Variants in KCNB2 observed in about 807,000 individuals in gnomAD.
The protein encoded by KCNB2 is potassium voltage-gated channel subfamily B member 2.
KCNB2 carries 15 observed loss-of-function variants against 61.5 expected under a neutral mutation model. The ratio of observed to expected loss-of-function variants is 0.24; its 90% confidence interval spans 0.16 to 0.38. The LOEUF is 0.38. Ranked by LOEUF, KCNB2 falls within the 10% of genes least tolerant of loss-of-function variation. The pLI, the probability that KCNB2 is intolerant of heterozygous loss-of-function variation, is 1.00. For synonymous variants in KCNB2, 457 were observed against 446.0 expected (o/e 1.02, Z -0.31); for missense variants, 828 against 1,125.2 (o/e 0.74, Z 3.78).
chr8:72,606,262 A>G (rs1467070238), intron 2 of KCNB2, among the ~76,000 whole-genome samples: 1 of 152,172 alleles, frequency 6.6e-6, no homozygotes, highest in Non-Finnish European at 1.5e-5. Context: ...ACTAGAAGCA[A>G]TTATAGAGGA....
At chr8:72,765,386 A>G (rs1025328935) in intron 2 of KCNB2, among the ~76,000 whole-genome samples, 2 of 152,204 alleles carry the variant, frequency 1.3e-5, no homozygotes, top group Non-Finnish European at 2.9e-5. Flanking sequence ...CCCAAATTTA[A>G]TGGCAATTCT....
chr8:72,539,674 A>C (rs188468896), intron 1 of KCNB2, among the ~76,000 whole-genome samples: 4 of 152,168 alleles, frequency 2.6e-5, no homozygotes, highest in African/African-American at 4.8e-5. Context: ...CTCATCTCAC[A>C]TCTTTTCTAT....
chr8:72,580,278 AC>A (rs2128980292), intron 2 of KCNB2, among the ~76,000 whole-genome samples: 1 of 152,306 alleles, frequency 6.6e-6, no homozygotes, highest in South Asian at 2.1e-4. Context: ...TCCTATGAGA[AC>A]ACATCATTAA....
intron 2 of KCNB2, among the ~76,000 whole-genome samples, chr8:72,792,057 A>G (rs181271440): frequency 5.1e-4 from 78 of 152,296 alleles, no homozygotes; most frequent in Admixed American, 1.6e-3. Context: ...TAGCAATCCA[A>G]TGAGGAAGGA....
chr8:72,630,581 C>G (rs1805863476), intron 2 of KCNB2, among the ~76,000 whole-genome samples: 1 of 152,150 alleles, frequency 6.6e-6, no homozygotes, highest in African/African-American at 2.4e-5. Flanking sequence ...AGTCCTAGAT[C>G]AAGGTGTCAG....
intron 2 of KCNB2, among the ~76,000 whole-genome samples, chr8:72,887,455 G>A (rs1459874826): frequency 6.6e-6 from 1 of 152,258 alleles, no homozygotes; most frequent in East Asian, 1.9e-4. Flanking sequence ...TTTCTTGGAT[G>A]GCCCAATTTC....
chr8:72,916,760 A>C (rs977722382), intron 2 of KCNB2, among the ~76,000 whole-genome samples: 3 of 152,204 alleles, frequency 2.0e-5, no homozygotes, highest in African/African-American at 4.8e-5. Flanking sequence ...AAAAGGGGAC[A>C]GAGCAGGAAG....
intron 2 of KCNB2, among the ~76,000 whole-genome samples, chr8:72,699,825 C>T (rs1807084489): frequency 6.6e-6 from 1 of 152,080 alleles, no homozygotes; most frequent in African/African-American, 2.4e-5. Flanking sequence ...TACCATTTGA[C>T]CCAGCAATCC....
chr8:72,700,221 C>G lies in KCNB2; in HGVS notation c.579+131908C>G, dbSNP rs144371560. On this transcript the variant is annotated intron_variant, in intron 2 of 2. Coordinates refer to ENST00000523207, the MANE Select transcript of KCNB2 (RefSeq NM_004770.3). ...GGTTTGGGGGGCAAGGGGAGGGAGA[C>G]CATTAGGACAAATACCTAATGCATG... is the stretch of plus-strand genomic sequence containing the variant. 2.1e-3 allele frequency among the ~76,000 whole-genome samples: 321 copies of G among 152,008 alleles called. 3 individuals are homozygous for G. Among genetic ancestry groups the G allele is most frequent in the African/African-American group, 7.3e-3 (302 of 41,468 alleles).
At chr8:72,794,913 G>A (rs1809006258) in intron 2 of KCNB2, among the ~76,000 whole-genome samples, 1 of 151,894 alleles carries the variant, frequency 6.6e-6, no homozygotes, top group African/African-American at 2.4e-5. Flanking sequence ...TACTGCTGAG[G>A]GTCTAATAGA....
chr8:72,748,051 A>C (rs1808109276), intron 2 of KCNB2, among the ~76,000 whole-genome samples: 2 of 152,224 alleles, frequency 1.3e-5, no homozygotes, highest in African/African-American at 4.8e-5. Flanking sequence ...TTAGAATGAA[A>C]ACAGGGTGGT....
chr8:72,840,952 G>T (rs535781033), intron 2 of KCNB2, among the ~76,000 whole-genome samples: 2 of 152,184 alleles, frequency 1.3e-5, no homozygotes, highest in South Asian at 4.2e-4. Context: ...CATTGCTTTT[G>T]GTGTGTTAGT....
intron 2 of KCNB2, among the ~76,000 whole-genome samples, chr8:72,607,036 A>G (rs1469548279): frequency 6.6e-6 from 1 of 152,118 alleles, no homozygotes; most frequent in African/African-American, 2.4e-5. Flanking sequence ...AAAATGAGTT[A>G]TAGAGTGGTG....
intron 2 of KCNB2, among the ~76,000 whole-genome samples, chr8:72,717,280 A>G (rs1163412666): frequency 6.6e-6 from 1 of 152,246 alleles, no homozygotes; most frequent in Non-Finnish European, 1.5e-5. Flanking sequence ...TCAAGCTACC[A>G]ATGACTTTCT....
At chr8:72,671,223 C>A (rs562974976) in intron 2 of KCNB2, among the ~76,000 whole-genome samples, 1 of 152,314 alleles carries the variant, frequency 6.6e-6, no homozygotes, top group African/African-American at 2.4e-5. Flanking sequence ...AAAGGCAATG[C>A]ACATTCCATA....
chr8:72,596,432 C>T (rs1807191227), intron 2 of KCNB2, among the ~76,000 whole-genome samples: 1 of 152,146 alleles, frequency 6.6e-6, no homozygotes, highest in Non-Finnish European at 1.5e-5. Context: ...CCTTTTGTCT[C>T]CACATATGAT....
chr8:72,722,879 C>T (rs1024551407), intron 2 of KCNB2, among the ~76,000 whole-genome samples: 2 of 152,162 alleles, frequency 1.3e-5, no homozygotes, highest in African/African-American at 4.8e-5. Context: ...AGATTTTGTA[C>T]ATACTCCAAG....
chr8:72,817,365 A>G (rs936706868), intron 2 of KCNB2, among the ~76,000 whole-genome samples: 1 of 152,174 alleles, frequency 6.6e-6, no homozygotes, highest in Non-Finnish European at 1.5e-5. Context: ...GACACTGCCT[A>G]CTGCCTACTT....
At chr8:72,631,993 T>C (rs1483587895) in intron 2 of KCNB2, among the ~76,000 whole-genome samples, 1 of 152,070 alleles carries the variant, frequency 6.6e-6, no homozygotes, top group Non-Finnish European at 1.5e-5. Flanking sequence ...TCTCAACACT[T>C]GGGGAGGCTG....
Sources: allele counts gnomAD v4.1 joint callset (sites outside exome capture counted in the v4.1 genomes callset), GRCh38; gene constraint gnomAD v4.1.1; transcripts MANE v1.5; gene names NCBI Gene and HGNC (gene_info 2026-07-23, HGNC 2026-07-21).